The following PLB1 variants were observed in gnomAD, a reference collection of about 807,000 sequenced individuals.
The protein encoded by PLB1 is phospholipase B1.
A neutral mutation model predicts 227.4 loss-of-function variants in PLB1; 242 were observed. The observed-to-expected ratio is 1.06, with a 90% CI of 0.96 to 1.18. PLB1 has a LOEUF of 1.18. PLB1 is among the 50% of genes most tolerant of loss of function. The pLI, the probability that PLB1 is intolerant of heterozygous loss-of-function variation, is 0.00. For missense variants in PLB1, 1,858 were observed against 1,816.3 expected, an observed-to-expected ratio of 1.02 and a Z score of -0.42; for synonymous variants, 757 against 682.2, an observed-to-expected ratio of 1.11 and a Z score of -1.71.
chr2:28,591,335 C>T (rs757766235), intron 30 of PLB1, among the ~76,000 whole-genome samples, 164 bp downstream of exon 30: 5 of 152,200 alleles, frequency 3.3e-5, no homozygotes, highest in African/African-American at 4.8e-5. Flanking sequence ...GAGTAAATGC[C>T]GTGGATAACA....
In PLB1 at chr2:28,529,784, G is replaced by A. The variant is rs776012238; in HGVS notation, c.468+5G>A. On this transcript the variant is annotated splice_donor_5th_base_variant and intron_variant, in intron 8 of 57. Coordinates refer to ENST00000327757, the MANE Select transcript of PLB1 (RefSeq NM_153021.5). ...AGAAACATGAAAGAGAACCTGGTAAGCATCCGTCCAACTCTGGCATGGCTG... is the reference window on the plus strand; with the variant it reads ...AGAAACATGAAAGAGAACCTGGTAAACATCCGTCCAACTCTGGCATGGCTG... The A allele has an allele frequency of 1.4e-5, 23 of 1,613,890 alleles. No homozygotes were observed. In the East Asian group the frequency reaches 4.9e-4, roughly 34 times the overall value.
chr2:28,546,008 C>A (rs1673200380), intron 14 of PLB1, among the ~76,000 whole-genome samples: 1 of 152,196 alleles, frequency 6.6e-6, no homozygotes, highest in African/African-American at 2.4e-5. Context: ...CCCTCCCTCC[C>A]TCATCCTCCA....
intron 14 of PLB1, 200 bp from the exon 15 acceptor site, chr2:28,548,660 T>C: frequency 1.6e-6 from 1 of 640,814 alleles, no homozygotes; most frequent in Non-Finnish European, 2.9e-6. Context: ...CAGAATCGCC[T>C]GGAGAGCTGC....
intron 18 of PLB1, among the ~76,000 whole-genome samples, chr2:28,563,945 T>G (rs1164730223): frequency 1.3e-5 from 2 of 152,160 alleles, no homozygotes; most frequent in Non-Finnish European, 2.9e-5. Flanking sequence ...TTTCTTTAGA[T>G]TCAACCAATA....
intron 44 of PLB1, among the ~76,000 whole-genome samples, chr2:28,617,470 G>C (rs960758606): frequency 1.3e-5 from 2 of 152,178 alleles, no homozygotes; most frequent in African/African-American, 4.8e-5. Flanking sequence ...ATGGGGATAA[G>C]AAAGGTGGTG....
At chr2:28,583,648 A>C (rs1333230796) in intron 25 of PLB1, among the ~76,000 whole-genome samples, 1 of 152,180 alleles carries the variant, frequency 6.6e-6, no homozygotes, top group Non-Finnish European at 1.5e-5. Flanking sequence ...TTTTCTGGGC[A>C]TGCCCAGATC....
intron 23 of PLB1, among the ~76,000 whole-genome samples, chr2:28,581,492 AATAAATAAAT>A (rs1558821441): frequency 0.03 from 2,387 of 79,422 alleles, 149 homozygotes; most frequent in African/African-American, 0.095. Context: ...CAAAAAAATA[AATAAATAAAT>A]AAATAAATAA....
At chr2:28,638,205 A>AGG (rs1477084780) in intron 56 of PLB1, among the ~76,000 whole-genome samples, 1 of 151,872 alleles carries the variant, frequency 6.6e-6, no homozygotes, top group African/African-American at 2.4e-5. Context: ...GAAAAAGTCA[A>AGG]GCAGAGTGAT....
Position 28,530,777 on chromosome 2 carries a change from A to G in PLB1, c.468+998A>G, listed in dbSNP as rs181020142. ...TTTCAGCCAGCCATGCATGCATTAA[A>G]GCGTTCAGGAAGTGAAGTGAAGGTC... On this transcript the variant is annotated intron_variant, in intron 8 of 57. Transcript: ENST00000327757. Among the ~76,000 whole-genome samples, 280 of 152,396 alleles carry G rather than the reference A, an allele frequency of 1.8e-3. 1 individual carries two copies. The highest frequency in any genetic ancestry group is 2.9e-3 in the Non-Finnish European group (200 of 68,040).
At chr2:28,503,606 A>G (rs906813362) in intron 1 of PLB1, among the ~76,000 whole-genome samples, 2 of 152,214 alleles carry the variant, frequency 1.3e-5, no homozygotes, top group Admixed American at 6.5e-5. Context: ...CCTGTTCCAC[A>G]TAGTATCATC....
intron 1 of PLB1, among the ~76,000 whole-genome samples, chr2:28,512,918 A>G (rs1184594789): frequency 1.3e-5 from 2 of 152,174 alleles, no homozygotes; most frequent in African/African-American, 4.8e-5. Flanking sequence ...TGGCACATAC[A>G]TCAATTTCCA....
chr2:28,598,057 C>T lies in PLB1; in HGVS notation c.2365+9C>T. Reference sequence around the variant, plus strand: ...TGTGACCACCTTACCTAGTAAGTAACCATCAGGGGCTTGAATCTGTCTACT... The same window carrying T: ...TGTGACCACCTTACCTAGTAAGTAATCATCAGGGGCTTGAATCTGTCTACT... On this transcript the variant is annotated intron_variant, in intron 34 of 57. Transcript: ENST00000327757. 6.2e-7 allele frequency: 1 copy of T among 1,609,712 alleles called. No individual in the cohort carries two copies. Among genetic ancestry groups the T allele is most frequent in the South Asian group, 1.1e-5 (1 of 90,718 alleles).
chr2:28,506,901 C>T (rs543714296), intron 1 of PLB1, among the ~76,000 whole-genome samples: 2 of 152,178 alleles, frequency 1.3e-5, no homozygotes, highest in Non-Finnish European at 2.9e-5. Flanking sequence ...TATTGCATCT[C>T]TGAGAATGAG....
chr2:28,550,347 A>G (rs899553256), intron 16 of PLB1, among the ~76,000 whole-genome samples: 1 of 147,250 alleles, frequency 6.8e-6, no homozygotes, highest in Non-Finnish European at 1.5e-5. Flanking sequence ...TAATTTTTGT[A>G]TTTTTTTTAG....
intron 2 of PLB1, among the ~76,000 whole-genome samples, chr2:28,517,389 G>C (rs1203585803): frequency 6.6e-6 from 1 of 152,142 alleles, no homozygotes; most frequent in Non-Finnish European, 1.5e-5. Flanking sequence ...TCACTTCCCA[G>C]AGCCTTCCAT....
chr2:28,603,043 G>A, intron 39 of PLB1, 122 bp downstream of exon 39: 1 of 821,490 alleles, frequency 1.2e-6, no homozygotes, highest in Non-Finnish European at 1.9e-6. Context: ...AGTCTGTAAA[G>A]GAGGACTTCT....
chr2:28,518,804 C>T (rs1165456668), intron 3 of PLB1, among the ~76,000 whole-genome samples: 1 of 152,162 alleles, frequency 6.6e-6, no homozygotes, highest in African/African-American at 2.4e-5. Flanking sequence ...ATTCATGGGG[C>T]TTCCCTATTC....
intron 56 of PLB1, among the ~76,000 whole-genome samples, chr2:28,640,295 A>C (rs1326654802): frequency 3.9e-5 from 6 of 152,154 alleles, no homozygotes; most frequent in Admixed American, 3.9e-4. Context: ...GGGGAGGGGG[A>C]TACAGCAGCT....
At chr2:28,550,170 GTT>G (rs61081790) in intron 16 of PLB1, 86 bp downstream of exon 16, 1,164 of 733,504 alleles carry the variant, frequency 1.6e-3, no homozygotes, top group East Asian at 1.9e-3. Flanking sequence ...CTTCCACGTG[GTT>G]TTTTTTTTTT....
Sources: gnomAD v4.1 joint callset for allele counts (sites outside exome capture counted in the v4.1 genomes callset) on GRCh38, gnomAD v4.1.1 for gene constraint, MANE v1.5 for transcripts, NCBI Gene and HGNC (gene_info 2026-07-23, HGNC 2026-07-21) for gene names.